The following TAOK1 variants were observed in gnomAD, a reference collection of about 807,000 sequenced individuals.
The protein encoded by TAOK1 is serine/threonine-protein kinase TAO1.
Under a neutral mutation model 138.3 loss-of-function variants are expected in TAOK1, and 21 were observed. The observed-to-expected ratio is 0.15, with a 90% CI of 0.11 to 0.22. TAOK1 has a LOEUF of 0.22. TAOK1 is among the 10% of genes least tolerant of loss of function. The pLI is 1.00. For synonymous variants in TAOK1, 361 were observed against 398.4 expected (o/e 0.91, Z 1.12); for missense variants, 651 against 1,227.7 (o/e 0.53, Z 7.02).
At chr17:29,461,635 T>C (rs957235529) in intron 2 of TAOK1, among the ~76,000 whole-genome samples, 7 of 152,172 alleles carry the variant, frequency 4.6e-5, no homozygotes, top group African/African-American at 1.7e-4. Context: ...ACTTGCCTTT[T>C]GGAGAAAAAC....
chr17:29,471,984 A>G (rs183356253), intron 3 of TAOK1, among the ~76,000 whole-genome samples: 7 of 152,336 alleles, frequency 4.6e-5, no homozygotes, highest in African/African-American at 1.7e-4. Flanking sequence ...GTGTAGTCAC[A>G]TCTTCAGGCT....
At chr17:29,432,239 G>T (rs1905863555) in intron 1 of TAOK1, among the ~76,000 whole-genome samples, 1 of 152,162 alleles carries the variant, frequency 6.6e-6, no homozygotes, top group Non-Finnish European at 1.5e-5. Context: ...GAAACAAAGG[G>T]ATGGGCCAAA....
intron 15 of TAOK1, chr17:29,512,525 G>T (rs1474793185): frequency 6.6e-6 from 1 of 151,364 alleles, no homozygotes; most frequent in Non-Finnish European, 1.5e-5. Context: ...CATTACAGGC[G>T]ACTGCCACCA....
At chr17:29,435,596 CT>C (rs1353153259) in intron 1 of TAOK1, among the ~76,000 whole-genome samples, 3 of 152,138 alleles carry the variant, frequency 2.0e-5, no homozygotes, top group Admixed American at 6.5e-5. Flanking sequence ...AAGTGACATT[CT>C]TTACTGACCA....
chr17:29,451,150 T>G (rs2030224841), intron 1 of TAOK1, among the ~76,000 whole-genome samples: 1 of 152,250 alleles, frequency 6.6e-6, no homozygotes, highest in Admixed American at 6.5e-5. Flanking sequence ...TTTTATATTA[T>G]CTTCTCTATT....
intron 1 of TAOK1, among the ~76,000 whole-genome samples, chr17:29,446,277 T>C (rs2030075121): frequency 6.6e-6 from 1 of 152,194 alleles, no homozygotes; most frequent in Non-Finnish European, 1.5e-5. Context: ...CACTAATTTC[T>C]ATTCTATTTA....
At chr17:29,464,210 TGGATC>T (rs989174871) in intron 2 of TAOK1, among the ~76,000 whole-genome samples, 5 of 151,012 alleles carry the variant, frequency 3.3e-5, no homozygotes, top group African/African-American at 1.2e-4. Flanking sequence ...CCAAGACAGA[TGGATC>T]ATGAGGTCAG....
chr17:29,489,390 C>T (rs142315048), intron 8 of TAOK1, among the ~76,000 whole-genome samples: 224 of 152,064 alleles, frequency 1.5e-3, no homozygotes, highest in Non-Finnish European at 1.7e-3. Flanking sequence ...CCCAGCTACT[C>T]GGGAGGCCGA....
At chr17:29,477,777 G>T in intron 5 of TAOK1, 71 bp downstream of exon 5, 1 of 954,898 alleles carries the variant, frequency 1.0e-6, no homozygotes, top group Non-Finnish European at 1.4e-6. Context: ...TTATTTAAAT[G>T]ATATTAATAC....
At chr17:29,395,172 A>G (rs1904556878) in intron 1 of TAOK1, among the ~76,000 whole-genome samples, 1 of 152,104 alleles carries the variant, frequency 6.6e-6, no homozygotes. Flanking sequence ...TGAGCCCAGA[A>G]GATGGAGGCT....
chr17:29,497,425 TAAC>T (rs1184468630), intron 11 of TAOK1, among the ~76,000 whole-genome samples: 3 of 152,160 alleles, frequency 2.0e-5, no homozygotes, highest in East Asian at 1.9e-4. Context: ...GTTAAATTGT[TAAC>T]AACATCTGTG....
At chr17:29,475,841 C>T in intron 4 of TAOK1, 70 bp downstream of exon 4, 1 of 1,147,414 alleles carries the variant, frequency 8.7e-7, no homozygotes, top group South Asian at 1.3e-5. Context: ...TTCAGAATAT[C>T]TCATACTGGT....
chr17:29,523,521 G>A (rs2031957055), intron 17 of TAOK1, among the ~76,000 whole-genome samples: 1 of 152,126 alleles, frequency 6.6e-6, no homozygotes, highest in Non-Finnish European at 1.5e-5. Context: ...CCTAGTAGCT[G>A]GGACTACAGG....
chr17:29,532,494 C>T (rs968306826), intron 18 of TAOK1, among the ~76,000 whole-genome samples: 3 of 151,948 alleles, frequency 2.0e-5, no homozygotes, highest in Non-Finnish European at 2.9e-5. Context: ...GACCCTTCGG[C>T]CTTCCCAGTG....
At chr17:29,471,276 CTTTTTTTTTTT>C (rs759764241) in intron 3 of TAOK1, among the ~76,000 whole-genome samples, 4 of 81,844 alleles carry the variant, frequency 4.9e-5, no homozygotes, top group Non-Finnish European at 6.6e-5. Flanking sequence ...TATTTTCTTT[CTTTTTTTTTTT>C]TTTTTTTTTT....
rs536362260 is a variant in TAOK1, at chr17:29,463,018, T to C, written c.133-4127T>C. On this transcript the variant is annotated intron_variant, in intron 2 of 19. Transcript: ENST00000261716. ...GTTTTATTATGTAAACAAACACTTT[T>C]GCAAGCTTTTCTTACTGTTACTTTC... Among the ~76,000 whole-genome samples the C allele has an allele frequency of 5.9e-5, 9 of 152,340 alleles. No homozygotes were observed. In the South Asian group the frequency reaches 8.3e-4, roughly 14 times the overall value.
intron 19 of TAOK1, among the ~76,000 whole-genome samples, chr17:29,537,763 G>T (rs1310122409): frequency 1.3e-5 from 2 of 152,050 alleles, no homozygotes; most frequent in Non-Finnish European, 2.9e-5. Context: ...AAAAAAAACT[G>T]CATAAATATG....
intron 15 of TAOK1, among the ~76,000 whole-genome samples, chr17:29,517,050 G>GA (rs1241049512): frequency 6.6e-6 from 1 of 150,906 alleles, no homozygotes; most frequent in Non-Finnish European, 1.5e-5. Flanking sequence ...GCAGTGGCGA[G>GA]ATCTCAGCTC....
intron 1 of TAOK1, among the ~76,000 whole-genome samples, chr17:29,394,956 G>A (rs1017844372): frequency 2.6e-5 from 4 of 151,294 alleles, no homozygotes; most frequent in Non-Finnish European, 4.4e-5. Context: ...TTTTTAATTA[G>A]CATGGGCTAG....
Sources: gnomAD v4.1 joint callset for allele counts (sites outside exome capture counted in the v4.1 genomes callset) on GRCh38, gnomAD v4.1.1 for gene constraint, MANE v1.5 for transcripts, NCBI Gene and HGNC (gene_info 2026-07-23, HGNC 2026-07-21) for gene names.